Variants in BARX2 observed in about 807,000 individuals in gnomAD.
BARX2 encodes homeobox protein BarH-like 2.
Under a neutral mutation model 25.5 loss-of-function variants are expected in BARX2, and 11 were observed. The observed-to-expected ratio is 0.43, with a 90% CI of 0.27 to 0.71. BARX2 has a LOEUF of 0.71. BARX2 is among the 30% of genes least tolerant of loss of function. The pLI is 0.19. For synonymous variants in BARX2, 137 were observed against 149.5 expected (o/e 0.92, Z 0.61); for missense variants, 360 against 359.9 (o/e 1.00, Z 0.00).
At chr11:129,401,322 T>G (rs7118111) in intron 1 of BARX2, among the ~76,000 whole-genome samples, 2 of 152,178 alleles carry the variant, frequency 1.3e-5, no homozygotes, top group African/African-American at 4.8e-5. Context: ...GTTTTTTAGC[T>G]TAAAGCAAAG....
intron 1 of BARX2, among the ~76,000 whole-genome samples, chr11:129,399,993 C>T (rs1861759906): frequency 6.6e-6 from 1 of 152,146 alleles, no homozygotes; most frequent in Admixed American, 6.5e-5. Flanking sequence ...TCGAGTCCAA[C>T]CTCCTACCTC....
At chr11:129,384,655 T>A (rs1466919468) in intron 1 of BARX2, among the ~76,000 whole-genome samples, 1 of 152,234 alleles carries the variant, frequency 6.6e-6, no homozygotes, top group Non-Finnish European at 1.5e-5. Flanking sequence ...TGCATCTTCT[T>A]ATCTTGAGGA....
At chr11:129,442,708 G>C (rs79325083) in intron 2 of BARX2, 127 bp from the exon 3 acceptor site, 1 of 831,352 alleles carries the variant, frequency 1.2e-6, no homozygotes, top group South Asian at 1.3e-5. Context: ...GGAAGACCTC[G>C]TTTAATGGGG....
chr11:129,413,252 G>A (rs1038501591), intron 1 of BARX2, among the ~76,000 whole-genome samples: 2 of 152,148 alleles, frequency 1.3e-5, no homozygotes, highest in Non-Finnish European at 2.9e-5. Context: ...AAAAACCAAG[G>A]CTTATCAAAC....
intron 1 of BARX2, among the ~76,000 whole-genome samples, chr11:129,413,643 T>C (rs551733164): frequency 3.0e-4 from 46 of 152,170 alleles, no homozygotes; most frequent in African/African-American, 1.0e-3. Flanking sequence ...TAAAAAGATA[T>C]CTCAGTGGTC....
intron 1 of BARX2, among the ~76,000 whole-genome samples, chr11:129,389,563 T>C (rs752073952): frequency 1.5e-4 from 23 of 152,126 alleles, no homozygotes; most frequent in Non-Finnish European, 2.9e-4. Flanking sequence ...ACTTTATTTT[T>C]TTTTTTAACA....
chr11:129,384,156 G>A (rs1209310668), intron 1 of BARX2, among the ~76,000 whole-genome samples: 13 of 152,072 alleles, frequency 8.5e-5, no homozygotes, highest in African/African-American at 2.9e-4. Flanking sequence ...CACCGCACCC[G>A]GCCAGATGAG....
intron 2 of BARX2, chr11:129,438,051 G>A (rs879534097): frequency 6.6e-6 from 1 of 151,766 alleles, no homozygotes; most frequent in Non-Finnish European, 1.5e-5. Flanking sequence ...ATAGCCGGGT[G>A]TGTTGGCTCA....
intron 1 of BARX2, among the ~76,000 whole-genome samples, chr11:129,430,616 C>A (rs1862118328): frequency 6.6e-6 from 1 of 152,042 alleles, no homozygotes; most frequent in African/African-American, 2.4e-5. Context: ...TAACCACCAC[C>A]GTGGTTAAGA....
chr11:129,387,793 A>G (rs577384263), intron 1 of BARX2, among the ~76,000 whole-genome samples: 1 of 152,278 alleles, frequency 6.6e-6, no homozygotes, highest in African/African-American at 2.4e-5. Flanking sequence ...TTCATTTCTT[A>G]GGGAGGTGCT....
intron 3 of BARX2, among the ~76,000 whole-genome samples, chr11:129,446,947 C>T (rs1186570976): frequency 6.6e-6 from 1 of 152,198 alleles, no homozygotes; most frequent in Non-Finnish European, 1.5e-5. Flanking sequence ...AGATCACCCC[C>T]ACTAATAAGT....
At chr11:129,384,811 G>T (rs754211923) in intron 1 of BARX2, among the ~76,000 whole-genome samples, 2 of 152,100 alleles carry the variant, frequency 1.3e-5, no homozygotes, top group Non-Finnish European at 2.9e-5. Flanking sequence ...TAGTAATAGC[G>T]ACTGTTTAGA....
In BARX2 at chr11:129,451,507, C is replaced by A. The variant is rs756040338; in HGVS notation, c.*105C>A. ...TTCCAGCAGCCCAGTAAACTGCGGG[C>A]GAAGAGATCTACCCGTCTCCCTCCC... On this transcript the variant is annotated 3_prime_UTR_variant, in exon 4 of 4. Coordinates refer to ENST00000281437, the MANE Select transcript of BARX2 (RefSeq NM_003658.5). 1.5e-6 allele frequency: 2 copies of A among 1,317,046 alleles called. No homozygotes were observed. The highest frequency in any genetic ancestry group is 1.0e-6 in the Non-Finnish European group (1 of 963,304). 81.6% of individuals were successfully genotyped at this position (1,317,046 alleles called of 1,614,324 possible).
chr11:129,438,587 A>AT (rs561789483), intron 2 of BARX2, among the ~76,000 whole-genome samples: 1 of 152,228 alleles, frequency 6.6e-6, no homozygotes, highest in Non-Finnish European at 1.5e-5. Context: ...AGGAGTCTGC[A>AT]TATCACCGAC....
intron 2 of BARX2, 23 bp from the exon 3 acceptor site, chr11:129,442,812 C>G: frequency 6.2e-7 from 1 of 1,601,334 alleles, no homozygotes; most frequent in African/African-American, 1.3e-5. Flanking sequence ...GCTCACCTTT[C>G]CTTTGTATCT....
chr11:129,384,119 G>T (rs1284503781), intron 1 of BARX2, among the ~76,000 whole-genome samples: 1 of 152,042 alleles, frequency 6.6e-6, no homozygotes, highest in Non-Finnish European at 1.5e-5. Flanking sequence ...TGATCCACCT[G>T]CCTCGGCCTC....
At chr11:129,394,636 G>A (rs1309357013) in intron 1 of BARX2, among the ~76,000 whole-genome samples, 1 of 151,910 alleles carries the variant, frequency 6.6e-6, no homozygotes, top group Non-Finnish European at 1.5e-5. Flanking sequence ...AACAGCATAT[G>A]TTTTATAAAT....
intron 1 of BARX2, among the ~76,000 whole-genome samples, chr11:129,383,131 T>G (rs1190108824): frequency 2.0e-5 from 3 of 152,208 alleles, no homozygotes; most frequent in Non-Finnish European, 4.4e-5. Flanking sequence ...GTGTTTTGTT[T>G]GTTTGTTTTT....
chr11:129,395,686 G>A (rs1001218357), intron 1 of BARX2, among the ~76,000 whole-genome samples: 41 of 152,122 alleles, frequency 2.7e-4, no homozygotes, highest in Non-Finnish European at 3.8e-4. Flanking sequence ...GGTCAGCTCT[G>A]CATTTGCCTG....
Sources: gnomAD v4.1 joint callset for allele counts (sites outside exome capture counted in the v4.1 genomes callset) on GRCh38, gnomAD v4.1.1 for gene constraint, MANE v1.5 for transcripts, NCBI Gene and HGNC (gene_info 2026-07-23, HGNC 2026-07-21) for gene names.